Variants in IMMP2L observed in about 807,000 individuals in gnomAD.
IMMP2L encodes the protein inner mitochondrial membrane peptidase subunit 2.
Under a neutral mutation model 19.3 loss-of-function variants are expected in IMMP2L, and 18 were observed. The ratio of observed to expected loss-of-function variants is 0.93; its 90% CI spans 0.64 to 1.38. The LOEUF (loss-of-function observed/expected upper bound fraction) is 1.38. IMMP2L is among the 40% of genes most tolerant of loss of function. The pLI, the probability that IMMP2L is intolerant of heterozygous loss-of-function variation, is 0.00. For synonymous variants in IMMP2L, 76 were observed against 73.0 expected, an observed-to-expected ratio of 1.04 and a Z score of -0.21; for missense variants, 233 against 218.2, an observed-to-expected ratio of 1.07 and a Z score of -0.43.
Position 111,061,646 on chromosome 7 carries a change from G to A in IMMP2L, c.240-98081C>T, listed in dbSNP as rs1458432808. 1.3e-5 allele frequency among the ~76,000 whole-genome samples: 2 copies of A among 152,070 alleles called. 1 individual carries two copies. Among genetic ancestry groups the A allele is most frequent in the Admixed American group, 1.3e-4 (2 of 15,264 alleles). On this transcript the variant is annotated intron_variant, in intron 3 of 5. Coordinates refer to ENST00000405709, the MANE Select transcript of IMMP2L (RefSeq NM_032549.4). ...CTGCCACCTCAATTGTCCATGCCAG[G>A]CTCAGGTCTTCGACTGCTTTAGCAA...
intron 3 of IMMP2L, among the ~76,000 whole-genome samples, chr7:110,981,054 T>G (rs1252325683): frequency 6.6e-6 from 1 of 152,178 alleles, no homozygotes; most frequent in Non-Finnish European, 1.5e-5. Flanking sequence ...TAAATCTGCT[T>G]TGAGAGTTTA....
At chr7:111,426,174 A>T (rs1836055447) in intron 3 of IMMP2L, among the ~76,000 whole-genome samples, 1 of 151,074 alleles carries the variant, frequency 6.6e-6, no homozygotes. Context: ...AAAAAAGGTA[A>T]ATTATATATT....
intron 5 of IMMP2L, among the ~76,000 whole-genome samples, chr7:110,829,245 T>C (rs909383944): frequency 6.6e-6 from 1 of 152,142 alleles, no homozygotes; most frequent in Non-Finnish European, 1.5e-5. Context: ...AAAATGTAGA[T>C]GGAAGACTAA....
intron 3 of IMMP2L, among the ~76,000 whole-genome samples, chr7:111,269,649 T>TA (rs1818235472): frequency 2.0e-5 from 3 of 151,726 alleles, no homozygotes; most frequent in African/African-American, 7.3e-5. Context: ...ACAGTTTTTT[T>TA]TAAAAAAAAA....
intron 4 of IMMP2L, among the ~76,000 whole-genome samples, chr7:110,950,841 CATATAT>C (rs34797718): frequency 3.1e-4 from 31 of 100,614 alleles, no homozygotes; most frequent in East Asian, 8.8e-4. Flanking sequence ...CAAAATGTGG[CATATAT>C]ATATATATAT....
At chr7:111,447,357 T>C (rs1261821907) in intron 3 of IMMP2L, among the ~76,000 whole-genome samples, 1 of 144,192 alleles carries the variant, frequency 6.9e-6, no homozygotes, top group Non-Finnish European at 1.5e-5. Flanking sequence ...ACAGCGGATC[T>C]CTCGACAGAA....
intron 3 of IMMP2L, among the ~76,000 whole-genome samples, chr7:111,202,058 C>T (rs1810198829): frequency 6.6e-6 from 1 of 152,160 alleles, no homozygotes; most frequent in South Asian, 2.1e-4. Flanking sequence ...CAAAGCCCAT[C>T]TTTTGAAAAG....
intron 4 of IMMP2L, among the ~76,000 whole-genome samples, chr7:110,921,986 C>T (rs1383536096): frequency 6.6e-6 from 1 of 152,160 alleles, no homozygotes; most frequent in Non-Finnish European, 1.5e-5. Flanking sequence ...TGCACCACTG[C>T]TGGAACTTGT....
At position 111,470,882 on chromosome 7, in the gene IMMP2L, A is replaced by AAAAT. The variant is rs892798761; in HGVS notation, c.239+16352_239+16355dup. 3.8e-3 allele frequency among the ~76,000 whole-genome samples: 575 copies of AAAAT among 151,390 alleles called. 7 individuals are homozygous for AAAAT. Among genetic ancestry groups the AAAAT allele is most frequent in the African/African-American group, 0.012 (516 of 41,388 alleles). ...CTAAAACTTAAAGTATAATAATAAT[A>AAAAT]AAATAAATAAATAAATAAATAAAGA... is the stretch of plus-strand genomic sequence containing the variant. On this transcript the variant is annotated intron_variant, in intron 3 of 5. Transcript: ENST00000405709.
intron 3 of IMMP2L, among the ~76,000 whole-genome samples, chr7:111,310,205 C>T (rs976125122): frequency 1.3e-5 from 2 of 150,348 alleles, no homozygotes; most frequent in Non-Finnish European, 3.0e-5. Context: ...TGCACTCAAG[C>T]CTGGGCAACA....
At chr7:111,415,720 G>A (rs893374100) in intron 3 of IMMP2L, among the ~76,000 whole-genome samples, 1 of 151,688 alleles carries the variant, frequency 6.6e-6, no homozygotes, top group Non-Finnish European at 1.5e-5. Context: ...TTACACACCT[G>A]AGAATAAAAT....
At chr7:111,480,638 C>T (rs1842106021) in intron 3 of IMMP2L, among the ~76,000 whole-genome samples, 1 of 142,942 alleles carries the variant, frequency 7.0e-6, no homozygotes, top group Admixed American at 7.0e-5. Context: ...AACCTAGGTA[C>T]TTCATCCTCC....
At chr7:110,672,510 T>C (rs1791990515) in intron 5 of IMMP2L, among the ~76,000 whole-genome samples, 1 of 152,112 alleles carries the variant, frequency 6.6e-6, no homozygotes. Context: ...TCTTAACTCA[T>C]TCCACCATTA....
At chr7:111,166,308 G>A (rs1805807322) in intron 3 of IMMP2L, among the ~76,000 whole-genome samples, 1 of 151,974 alleles carries the variant, frequency 6.6e-6, no homozygotes, top group Non-Finnish European at 1.5e-5. Context: ...AACTGTCTAT[G>A]AAGTTCTTAT....
At position 111,448,452 on chromosome 7, in the gene IMMP2L, A is replaced by G. The variant is rs537276746; in HGVS notation, c.239+38786T>C. Among the ~76,000 whole-genome samples the G allele has an allele frequency of 6.0e-3, 897 of 150,546 alleles. 8 individuals carry two copies. Among genetic ancestry groups the G allele is most frequent in the African/African-American group, 0.019 (788 of 40,658 alleles). On this transcript the variant is annotated intron_variant, in intron 3 of 5. Transcript: ENST00000405709. ...TGGAAACTGAACAACCTGCTCCTGA[A>G]TGACTACTGGGTACATAACGAAATG...
At chr7:111,226,530 G>A (rs1452734158) in intron 3 of IMMP2L, among the ~76,000 whole-genome samples, 1 of 151,882 alleles carries the variant, frequency 6.6e-6, no homozygotes, top group African/African-American at 2.4e-5. Flanking sequence ...TGCTTCTGGG[G>A]AATTAAACCT....
intron 3 of IMMP2L, among the ~76,000 whole-genome samples, chr7:111,186,313 T>C (rs796353960): frequency 1.3e-5 from 2 of 152,324 alleles, no homozygotes; most frequent in African/African-American, 4.8e-5. Context: ...GTTATAGCCA[T>C]GGGACTATTC....
intron 3 of IMMP2L, among the ~76,000 whole-genome samples, chr7:111,039,448 G>T (rs927334222): frequency 3.3e-5 from 5 of 152,098 alleles, no homozygotes; most frequent in African/African-American, 1.2e-4. Flanking sequence ...GACACTTTAA[G>T]GAAGATATGC....
At chr7:111,366,477 A>G (rs1829777419) in intron 3 of IMMP2L, among the ~76,000 whole-genome samples, 1 of 151,984 alleles carries the variant, frequency 6.6e-6, no homozygotes, top group Non-Finnish European at 1.5e-5. Flanking sequence ...AAAACCAAGT[A>G]CAATACACGG....
Sources: allele counts gnomAD v4.1 joint callset (sites outside exome capture counted in the v4.1 genomes callset), GRCh38; gene constraint gnomAD v4.1.1; transcripts MANE v1.5; gene names NCBI Gene and HGNC (gene_info 2026-07-23, HGNC 2026-07-21).